CORO7: variants seen among roughly 807,000 people sequenced by gnomAD.
CORO7 encodes coronin 7.
In CORO7, 107 loss-of-function variants were observed where a neutral mutation model predicts 126.6. The ratio of observed to expected loss-of-function variants is 0.85; its 90% CI spans 0.72 to 0.99. The LOEUF (loss-of-function observed/expected upper bound fraction) is 0.99, where lower values mean the gene tolerates loss of function less well. Ranked by LOEUF, CORO7 falls within the 50% of genes least tolerant of loss-of-function variation. CORO7 has a pLI of 0.00. For missense variants in CORO7, 1,314 were observed against 1,255.8 expected (o/e 1.05, Z -0.70); for synonymous variants, 603 against 536.8 (o/e 1.12, Z -1.70).
rs913772041 is a variant in CORO7, at chr16:4,387,821, G to A, written c.785+165C>T. 20 of 813,516 alleles carry A rather than the reference G, an allele frequency of 2.5e-5. No homozygotes were observed. The African/African-American group carries it at 2.7e-4, about 11-fold the overall frequency. The allele number at this position is 813,516 out of a possible 1,614,324, so 50.4% of individuals were successfully genotyped here. On this transcript the variant is annotated intron_variant, in intron 9 of 27. Coordinates refer to ENST00000251166, the MANE Select transcript of CORO7 (RefSeq NM_024535.5). ...CTGCTCGTGACATCTGGAAGCTCCG[G>A]GGGTACAGGGCCAGGTGTCTGTTGC...
chr16:4,361,906 G>T (rs1199400576), intron 16 of CORO7, 79 bp downstream of exon 16: 4 of 1,539,420 alleles, frequency 2.6e-6, no homozygotes, highest in African/African-American at 1.4e-5. Context: ...TCCCTGTGTT[G>T]TGTGGGTAGC....
chr16:4,412,275 G>A, intron 3 of CORO7, 81 bp downstream of exon 3: 12 of 1,499,192 alleles, frequency 8.0e-6, no homozygotes, highest in Non-Finnish European at 1.1e-5. Flanking sequence ...GCGGCAGTGG[G>A]ACCAGGTGAG....
intron 3 of CORO7, among the ~76,000 whole-genome samples, chr16:4,408,532 G>A (rs563450975): frequency 1.3e-5 from 2 of 152,338 alleles, no homozygotes; most frequent in Admixed American, 6.5e-5. Flanking sequence ...CTGCAGGAAC[G>A]CAGCTGCCCA....
chr16:4,377,465 T>C (rs984858076), intron 9 of CORO7, among the ~76,000 whole-genome samples: 2 of 152,046 alleles, frequency 1.3e-5, no homozygotes, highest in Admixed American at 6.5e-5. Flanking sequence ...TCCCAGAACT[T>C]GTTAAAAGAA....
At chr16:4,392,295 A>T (rs1021133925) in intron 7 of CORO7, among the ~76,000 whole-genome samples, 1 of 151,506 alleles carries the variant, frequency 6.6e-6, no homozygotes, top group Admixed American at 6.6e-5. Context: ...CTGCATCCAG[A>T]GGGGCGAGCC....
At chr16:4,355,242 G>C (rs764817172) in intron 27 of CORO7, 44 bp downstream of exon 27, 10 of 1,609,322 alleles carry the variant, frequency 6.2e-6, no homozygotes, top group Admixed American at 1.7e-5. Flanking sequence ...GCATGTGCGA[G>C]GGACCGCGCT....
At position 4,358,375 on chromosome 16, in the gene CORO7, G is replaced by C; in HGVS notation, c.2449C>G (p.Arg817Gly). The C allele has an allele frequency of 1.2e-6, 2 of 1,612,254 alleles. No homozygotes were observed. The highest frequency in any genetic ancestry group is 1.1e-5 in the South Asian group (1 of 90,984). ...SLEPVAFRLP[R>G]VRKEFFQDDV... is the part of the protein sequence containing the mutation. Reference sequence around the variant, plus strand: ...CAGGTCCCCACCCTCACCCGGACTCGGGGCAGCCGGAAGGCCACAGGCTCC... The same window carrying C: ...CAGGTCCCCACCCTCACCCGGACTCCGGGCAGCCGGAAGGCCACAGGCTCC... The change falls in exon 24 of 28, where the codon CGA becomes GGA. Residue 817 changes from arginine to glycine, a missense_variant. Physicochemically the swap from Arg to Gly is moderately radical, Grantham distance 125. Transcript: ENST00000251166.
At chr16:4,401,150 A>C (rs1350341819) in intron 6 of CORO7, among the ~76,000 whole-genome samples, 1 of 152,166 alleles carries the variant, frequency 6.6e-6, no homozygotes, top group Non-Finnish European at 1.5e-5. Flanking sequence ...CGCGGGGAAG[A>C]ACTTAGACCT....
Position 4,359,368 on chromosome 16 carries a change from G to C in CORO7, c.2268C>G (p.Phe756Leu), listed in dbSNP as rs372039186. Residue 756 changes from phenylalanine to leucine, a missense_variant, in exon 23 of 28, where the codon TTC becomes TTG. Coordinates refer to ENST00000251166, the MANE Select transcript of CORO7 (RefSeq NM_024535.5). ...LLTGKGDTRV[F>L]LYELLPESPF... ...GGGACTCGGGGAGCAGCTCGTACAG[G>C]AATACACGGGTGTCGCCCTGCGGGG... is the stretch of plus-strand genomic sequence containing the variant. 6.2e-7 allele frequency: 1 copy of C among 1,613,558 alleles called. No individual in the cohort carries two copies. Among genetic ancestry groups the C allele is most frequent in the Non-Finnish European group, 8.5e-7 (1 of 1,179,954 alleles).
At position 4,388,003 on chromosome 16, in the gene CORO7, G is replaced by C. The variant is rs767202487; in HGVS notation, c.768C>G (p.Thr256=). Residue 256 remains threonine, a synonymous_variant, in exon 9 of 28, where the codon ACC becomes ACG. Coordinates refer to ENST00000251166, the MANE Select transcript of CORO7 (RefSeq NM_024535.5). ...GCTCCTACCCAAGCGAGGTGTCCAA[G>C]GTGAGGGAGGCCAGGGCGCTGGAGA... ...RFFSSALASL[T]LDTSLGCLVP... The C allele has an allele frequency of 3.1e-6, 5 of 1,613,136 alleles. No homozygotes were observed. In the South Asian group the frequency reaches 5.5e-5, roughly 18 times the overall value.
chr16:4,373,652 G>C (rs1232424893), intron 9 of CORO7, among the ~76,000 whole-genome samples: 1 of 152,168 alleles, frequency 6.6e-6, no homozygotes, highest in Non-Finnish European at 1.5e-5. Context: ...TCCCATTACT[G>C]TCACCCCCAC....
At chr16:4,359,232 T>C (rs991866004) in intron 23 of CORO7, 64 bp downstream of exon 23, 1 of 1,496,892 alleles carries the variant, frequency 6.7e-7, no homozygotes, top group Non-Finnish European at 9.0e-7. Context: ...CTTGCCCACA[T>C]GGCCACCAGG....
intron 9 of CORO7, among the ~76,000 whole-genome samples, chr16:4,377,287 A>G (rs1334068215): frequency 6.8e-6 from 1 of 148,022 alleles, no homozygotes; most frequent in East Asian, 2.1e-4. Context: ...GGCAGAGGAA[A>G]AGGTCTCACC....
chr16:4,405,385 T>G lies in CORO7; in HGVS notation c.564+106A>C. 3.1e-6 allele frequency: 4 copies of G among 1,296,008 alleles called. No homozygotes were observed. In the South Asian group the frequency reaches 6.1e-5, roughly 20 times the overall value. The allele number at this position is 1,296,008 out of a possible 1,614,324, so 80.3% of individuals were successfully genotyped here. A position where few individuals can be genotyped will look rare whatever the true frequency, so the allele number is the denominator to read the frequency against. On this transcript the variant is annotated intron_variant, in intron 6 of 27. Coordinates refer to ENST00000251166, the MANE Select transcript of CORO7 (RefSeq NM_024535.5). The stretch of plus-strand genomic sequence containing the variant: ...ACACAGATGACCATCCTGACCTCAG[T>G]GCTCCACTGCCTCCTAAACAACAAG...
intron 23 of CORO7, 29 bp downstream of exon 23, chr16:4,359,267 T>C (rs1045839238): frequency 1.9e-6 from 3 of 1,568,764 alleles, no homozygotes; most frequent in Non-Finnish European, 2.6e-6. Flanking sequence ...TGTGGTCCCA[T>C]CGGGGACGAG....
chr16:4,369,957 G>A (rs1429555833), intron 9 of CORO7, among the ~76,000 whole-genome samples: 1 of 152,150 alleles, frequency 6.6e-6, no homozygotes, highest in African/African-American at 2.4e-5. Flanking sequence ...AACTGAGAGG[G>A]GTCTCCTAAA....
intron 1 of CORO7, chr16:4,415,627 G>C: frequency 1.2e-6 from 1 of 801,270 alleles, no homozygotes; most frequent in Non-Finnish European, 1.5e-6. Context: ...CCTCTACCCA[G>C]ACTGCCCTGA....
intron 9 of CORO7, chr16:4,381,427 C>A: frequency 6.3e-7 from 1 of 1,581,434 alleles, no homozygotes; most frequent in East Asian, 2.3e-5. Flanking sequence ...CCTCCTGGCC[C>A]TGGAGCCCGG....
chr16:4,413,354 G>A lies in CORO7; in HGVS notation c.111C>T (p.His37=). The A allele has an allele frequency of 1.3e-6, 2 of 1,587,112 alleles. No homozygotes were observed. Among genetic ancestry groups the A allele is most frequent in the South Asian group, 1.1e-5 (1 of 87,228 alleles). Residue 37 remains histidine (H), a synonymous_variant, in exon 2 of 28, where the codon CAC becomes CAT. Coordinates refer to ENST00000251166, the MANE Select transcript of CORO7 (RefSeq NM_024535.5). ...CGATCAAGCTGCAGCTTGATTTGAT[G>A]TGGTTCCTGCATGAAGGGGCGGTTC... The part of the protein sequence containing the change: ...RAGTAPSCRN[H]IKSSCSLIAF...
Sources: allele counts gnomAD v4.1 joint callset (sites outside exome capture counted in the v4.1 genomes callset), GRCh38; gene constraint gnomAD v4.1.1; transcripts MANE v1.5; gene names NCBI Gene and HGNC (gene_info 2026-07-23, HGNC 2026-07-21).